The following MAEA variants were observed in gnomAD, a reference collection of about 807,000 sequenced individuals.
MAEA encodes the protein macrophage erythroblast attacher, E3 ubiquitin ligase.
MAEA carries 22 observed loss-of-function variants against 46.2 expected under a neutral mutation model. The ratio of observed to expected loss-of-function variants is 0.48; its 90% CI spans 0.34 to 0.68. The LOEUF is 0.68. Among genes scored for constraint, MAEA ranks in the 30% least tolerant of loss-of-function variants. The probability of loss-of-function intolerance (pLI) is 0.01; values close to 1 mark genes in which losing one functional copy is unlikely to be tolerated. For missense variants in MAEA, 393 were observed against 558.1 expected (o/e 0.70, Z 2.98); for synonymous variants, 246 against 222.6 (o/e 1.11, Z -0.94).
chr4:1,322,707 GT>G (rs1738285408), intron 4 of MAEA, among the ~76,000 whole-genome samples: 2 of 152,320 alleles, frequency 1.3e-5, no homozygotes, highest in East Asian at 3.9e-4. Flanking sequence ...TGGCATTACA[GT>G]TTGTGTACAG....
At chr4:1,298,265 C>T (rs2108864994) in intron 1 of MAEA, 2 of 365,474 alleles carry the variant, frequency 5.5e-6, no homozygotes, top group South Asian at 4.0e-5. Context: ...TGTGCCCCGC[C>T]CAAGGCCAGC....
At chr4:1,309,756 C>T in intron 1 of MAEA, 1 of 1,490,580 alleles carries the variant, frequency 6.7e-7, no homozygotes. Context: ...TTCTGCGTAA[C>T]CGTGGCGCGT....
At chr4:1,327,349 C>T (rs1377781071) in intron 4 of MAEA, among the ~76,000 whole-genome samples, 1 of 152,238 alleles carries the variant, frequency 6.6e-6, no homozygotes, top group Admixed American at 6.5e-5. Context: ...GCGCCCTGAG[C>T]GCCCTGGCCT....
At chr4:1,304,566 G>A (rs558521186) in intron 1 of MAEA, among the ~76,000 whole-genome samples, 159 of 152,070 alleles carry the variant, frequency 1.0e-3, no homozygotes, top group African/African-American at 3.8e-3. Flanking sequence ...TCAGCCTCCC[G>A]AGTAGTTGGG....
intron 6 of MAEA, chr4:1,335,120 AGTCTAAACCTGAG>A: frequency 1.0e-6 from 1 of 985,454 alleles, no homozygotes; most frequent in Non-Finnish European, 1.2e-6. Flanking sequence ...CTCTCTCTTA[AGTCTAAACCTGAG>A]GTTATTTAGG....
At chr4:1,316,105 G>A (rs974501947) in intron 3 of MAEA, among the ~76,000 whole-genome samples, 3 of 152,148 alleles carry the variant, frequency 2.0e-5, no homozygotes, top group East Asian at 1.9e-4. Flanking sequence ...CCTGTACCCC[G>A]GGTTTTGCGC....
At chr4:1,317,975 T>G (rs1186759198) in intron 3 of MAEA, among the ~76,000 whole-genome samples, 1 of 152,190 alleles carries the variant, frequency 6.6e-6, no homozygotes, top group African/African-American at 2.4e-5. Context: ...TTCCTCCACC[T>G]GGGTGTCAGG....
chr4:1,309,894 G>C, intron 1 of MAEA: 18 of 1,296,306 alleles, frequency 1.4e-5, no homozygotes, highest in Non-Finnish European at 1.8e-5. Flanking sequence ...CCCGGCAGGG[G>C]TTGGAAAGTC....
At position 1,312,052 on chromosome 4, in the gene MAEA, C is replaced by G. The variant is rs1411501422; in HGVS notation, c.143C>G (p.Thr48Ser). Reference sequence around the variant, plus strand: ...ATTGACCGGGAGACCAGCCACGTCACCATGGTGGTGGCCGAGCTGGAGAAG... The same window carrying G: ...ATTGACCGGGAGACCAGCCACGTCAGCATGGTGGTGGCCGAGCTGGAGAAG... ...KNIDRETSHV[T>S]MVVAELEKTL... Residue 48 changes from threonine (T) to serine (S), a missense_variant, in exon 2 of 9, where the codon ACC becomes AGC. Around this residue, in one of 2 missense-constraint regions of MAEA, gnomAD observed 358 missense variants for 537.9 expected, o/e 0.67. Transcript: ENST00000303400. 6.2e-7 allele frequency: 1 copy of G among 1,614,012 alleles called. No individual in the cohort carries two copies. Among genetic ancestry groups the G allele is most frequent in the Admixed American group, 1.7e-5 (1 of 60,024 alleles).
At chr4:1,298,175 C>G in intron 1 of MAEA, 1 of 432,848 alleles carries the variant, frequency 2.3e-6, no homozygotes, top group South Asian at 1.6e-5. Flanking sequence ...CGTCCTTGTG[C>G]TCTGCCCGCG....
intron 1 of MAEA, chr4:1,310,088 T>C (rs1736300462): frequency 1.0e-6 from 1 of 954,630 alleles, no homozygotes; most frequent in Non-Finnish European, 1.3e-6. Flanking sequence ...TCTGTCCTGC[T>C]CTTGTGAGGC....
chr4:1,338,445 G>C lies in MAEA; in HGVS notation c.923G>C (p.Ser308Thr), dbSNP rs778584208. Residue 308 changes from serine (S) to threonine (T), a missense_variant, in exon 8 of 9, where the codon AGC (serine) becomes ACC (threonine). By Grantham distance (58) the Ser-to-Thr change is moderately conservative. This residue lies in a region of MAEA where 358 missense variants were observed against 537.9 expected (regional missense o/e 0.67). Coordinates refer to ENST00000303400, the MANE Select transcript of MAEA (RefSeq NM_001017405.3). ...AGACAGTGCTACAAGGAGGACGGCAGCTCCAAGAGCCCTGACTGCCCTGTG... is the reference window on the plus strand; with the variant it reads ...AGACAGTGCTACAAGGAGGACGGCACCTCCAAGAGCCCTGACTGCCCTGTG... ...KTPQCYKEDG[S>T]SKSPDCPVCS... The C allele has an allele frequency of 6.2e-7, 1 of 1,612,790 alleles. No homozygotes were observed. The highest frequency in any genetic ancestry group is 8.5e-7 in the Non-Finnish European group (1 of 1,179,806).
At chr4:1,322,284 G>C (rs371839818) in intron 3 of MAEA, 97 bp from the exon 4 acceptor site, 1 of 1,523,838 alleles carries the variant, frequency 6.6e-7, no homozygotes, top group Non-Finnish European at 8.9e-7. Flanking sequence ...AGTGGTGGCC[G>C]GTGCTGGGCC....
intron 1 of MAEA, chr4:1,310,087 C>T (rs948105697): frequency 1.0e-6 from 1 of 970,494 alleles, no homozygotes; most frequent in African/African-American, 1.7e-5. Context: ...TTCTGTCCTG[C>T]TCTTGTGAGG....
intron 3 of MAEA, among the ~76,000 whole-genome samples, chr4:1,319,497 A>G (rs987319986): frequency 7.9e-5 from 12 of 152,176 alleles, no homozygotes; most frequent in Non-Finnish European, 7.3e-5. Context: ...AGACCCGGAC[A>G]TTGGAGAAAC....
At chr4:1,335,466 C>T (rs548452029) in intron 6 of MAEA, 1 of 983,788 alleles carries the variant, frequency 1.0e-6, no homozygotes, top group African/African-American at 1.8e-5. Context: ...GTTAAGTCAG[C>T]ACTGGCCCCA....
At chr4:1,309,564 G>C in intron 1 of MAEA, 1 of 1,475,268 alleles carries the variant, frequency 6.8e-7, no homozygotes, top group Non-Finnish European at 9.0e-7. Context: ...ATAGCCCCGG[G>C]CCAGCGCTGG....
chr4:1,310,918 T>C (rs893562749), intron 1 of MAEA, among the ~76,000 whole-genome samples: 1 of 152,218 alleles, frequency 6.6e-6, no homozygotes, highest in Admixed American at 6.5e-5. Flanking sequence ...CTGTCCCTAC[T>C]TCTGGGAAGC....
chr4:1,339,403 A>G lies in MAEA; in HGVS notation c.*234A>G. The G allele has an allele frequency of 1.8e-6, 1 of 545,308 alleles. No homozygotes were observed. The highest frequency in any genetic ancestry group is 3.2e-6 in the Non-Finnish European group (1 of 308,204). The allele number at this position is 545,308 out of a possible 1,614,324, so 33.8% of individuals were successfully genotyped here. ...ACACGTCAACCATTTGATGCTTCTG[A>G]AAAGTACTTTCAACTTGCGAAGGAA... On this transcript the variant is annotated 3_prime_UTR_variant, in exon 9 of 9. Coordinates refer to ENST00000303400, the MANE Select transcript of MAEA (RefSeq NM_001017405.3).
Sources: allele counts gnomAD v4.1 joint callset (sites outside exome capture counted in the v4.1 genomes callset), GRCh38; gene constraint gnomAD v4.1.1; regional missense constraint gnomAD v4.1.1; transcripts MANE v1.5; gene names NCBI Gene and HGNC (gene_info 2026-07-23, HGNC 2026-07-21).